The following SPOCK3 variants were observed in gnomAD, a reference collection of about 807,000 sequenced individuals.
SPOCK3 encodes the protein testican-3.
SPOCK3 carries 30 observed loss-of-function variants against 56.6 expected under a neutral mutation model. That is an observed-to-expected ratio of 0.53 (90% CI 0.40 to 0.72). SPOCK3 has a LOEUF of 0.72. Among genes scored for constraint, SPOCK3 ranks in the 30% least tolerant of loss-of-function variants. SPOCK3 has a pLI of 0.00. For missense variants in SPOCK3, 527 were observed against 530.0 expected (o/e 0.99, Z 0.06); for synonymous variants, 196 against 183.3 (o/e 1.07, Z -0.56).
At chr4:167,027,641 T>A (rs1268501610) in intron 3 of SPOCK3, among the ~76,000 whole-genome samples, 1 of 152,078 alleles carries the variant, frequency 6.6e-6, no homozygotes, top group Non-Finnish European at 1.5e-5. Context: ...AACAGTCCAT[T>A]ACACATGTTT....
intron 2 of SPOCK3, among the ~76,000 whole-genome samples, chr4:167,081,369 C>A (rs1275450696): frequency 1.3e-5 from 2 of 151,884 alleles, no homozygotes; most frequent in African/African-American, 2.4e-5. Context: ...TTGATGTCTT[C>A]TTTTTTTACT....
At chr4:167,092,743 GCTGT>G (rs1175585707) in intron 2 of SPOCK3, among the ~76,000 whole-genome samples, 1 of 152,084 alleles carries the variant, frequency 6.6e-6, no homozygotes, top group Non-Finnish European at 1.5e-5. Flanking sequence ...ATGCTGAGAA[GCTGT>G]AAAATGTCCA....
intron 2 of SPOCK3, among the ~76,000 whole-genome samples, chr4:167,063,722 T>C (rs1407529052): frequency 6.6e-6 from 1 of 151,862 alleles, no homozygotes; most frequent in Non-Finnish European, 1.5e-5. Flanking sequence ...TCATACTCTA[T>C]GTCAATGTGT....
chr4:166,875,080 AGATAT>A (rs1341579093), intron 6 of SPOCK3, among the ~76,000 whole-genome samples: 3 of 146,472 alleles, frequency 2.0e-5, no homozygotes, highest in Non-Finnish European at 4.4e-5. Flanking sequence ...AAGGACATAT[AGATAT>A]ATTTGTCATA....
chr4:166,852,781 G>A lies in SPOCK3; in HGVS notation c.589+36349C>T, dbSNP rs372659296. ...TCTTTAGATGACAGAAGTTAGCAGAGGTTTTAAAGGAAAGAGGTATATACA... is the reference window on the plus strand; with the variant it reads ...TCTTTAGATGACAGAAGTTAGCAGAAGTTTTAAAGGAAAGAGGTATATACA... On this transcript the variant is annotated intron_variant, in intron 6 of 10. Coordinates refer to ENST00000357545, the MANE Select transcript of SPOCK3 (RefSeq NM_001040159.2). Among the ~76,000 whole-genome samples, 21 of 152,122 alleles carry A rather than the reference G, an allele frequency of 1.4e-4. No individual in the cohort carries two copies. In the East Asian group the frequency reaches 1.5e-3, roughly 11 times the overall value.
intron 6 of SPOCK3, among the ~76,000 whole-genome samples, chr4:166,835,114 G>C (rs893092168): frequency 6.6e-6 from 1 of 151,828 alleles, no homozygotes; most frequent in African/African-American, 2.4e-5. Flanking sequence ...TAATAGTAAC[G>C]ATGTCTTACA....
intron 2 of SPOCK3, among the ~76,000 whole-genome samples, chr4:167,159,993 C>T (rs1238324114): frequency 2.0e-5 from 3 of 152,228 alleles, no homozygotes; most frequent in Non-Finnish European, 2.9e-5. Context: ...GACAGGGATG[C>T]CCTCTCTCAC....
chr4:166,751,577 A>C (rs1293942134), intron 8 of SPOCK3, among the ~76,000 whole-genome samples: 1 of 152,140 alleles, frequency 6.6e-6, no homozygotes, highest in Non-Finnish European at 1.5e-5. Context: ...ATATGAATAA[A>C]CTTCAGTCCT....
At chr4:167,214,892 T>G (rs1287299994) in intron 2 of SPOCK3, among the ~76,000 whole-genome samples, 11 of 151,962 alleles carry the variant, frequency 7.2e-5, no homozygotes, top group African/African-American at 2.7e-4. Context: ...GTTGACATTT[T>G]CATAGATCAG....
At chr4:167,053,397 G>C (rs969491752) in intron 3 of SPOCK3, among the ~76,000 whole-genome samples, 1 of 151,940 alleles carries the variant, frequency 6.6e-6, no homozygotes, top group Non-Finnish European at 1.5e-5. Flanking sequence ...TGAATTATCT[G>C]CAATCTTGGC....
chr4:166,831,246 T>C (rs1394786480), intron 6 of SPOCK3, among the ~76,000 whole-genome samples: 4 of 152,214 alleles, frequency 2.6e-5, no homozygotes, highest in Admixed American at 6.5e-5. Context: ...GTAGCTTTCA[T>C]TTAACATAGT....
intron 3 of SPOCK3, among the ~76,000 whole-genome samples, chr4:167,018,850 C>A (rs1352105008): frequency 6.6e-6 from 1 of 152,008 alleles, no homozygotes; most frequent in Non-Finnish European, 1.5e-5. Context: ...AAGATACTTT[C>A]TTTCTCAGTG....
intron 3 of SPOCK3, among the ~76,000 whole-genome samples, chr4:167,034,459 A>G (rs1294565658): frequency 6.6e-6 from 1 of 152,072 alleles, no homozygotes; most frequent in Admixed American, 6.5e-5. Context: ...AAAGATAGAG[A>G]TAAGATTTAA....
At chr4:167,169,657 T>C (rs1043595243) in intron 2 of SPOCK3, among the ~76,000 whole-genome samples, 1 of 152,122 alleles carries the variant, frequency 6.6e-6, no homozygotes. Flanking sequence ...TGAAATTAGT[T>C]TAGAATTTAG....
intron 2 of SPOCK3, among the ~76,000 whole-genome samples, chr4:167,087,703 T>C (rs986345704): frequency 6.6e-6 from 1 of 152,182 alleles, no homozygotes; most frequent in Admixed American, 6.6e-5. Context: ...AGTTATCACA[T>C]ATAAAGTAAA....
chr4:166,968,946 G>A (rs1454215451), intron 4 of SPOCK3, among the ~76,000 whole-genome samples: 2 of 152,144 alleles, frequency 1.3e-5, no homozygotes, highest in African/African-American at 4.8e-5. Flanking sequence ...AGCTGCCCAA[G>A]GTCATGACAG....
At chr4:166,764,572 T>C (rs1462055021) in intron 7 of SPOCK3, among the ~76,000 whole-genome samples, 1 of 152,184 alleles carries the variant, frequency 6.6e-6, no homozygotes, top group Non-Finnish European at 1.5e-5. Context: ...TGCCACATTT[T>C]CTTAATCCAG....
chr4:167,062,061 C>T (rs578159917), intron 3 of SPOCK3, among the ~76,000 whole-genome samples: 28 of 151,766 alleles, frequency 1.8e-4, no homozygotes, highest in Non-Finnish European at 3.5e-4. Context: ...GTTAAGACCC[C>T]AGCTGAGTCT....
intron 2 of SPOCK3, among the ~76,000 whole-genome samples, chr4:167,161,122 G>T (rs1017659706): frequency 6.6e-6 from 1 of 151,948 alleles, no homozygotes; most frequent in Non-Finnish European, 1.5e-5. Flanking sequence ...CAGAATGGGA[G>T]ATAATTTTTG....
Sources: allele counts gnomAD v4.1 joint callset (sites outside exome capture counted in the v4.1 genomes callset), GRCh38; gene constraint gnomAD v4.1.1; transcripts MANE v1.5; gene names NCBI Gene and HGNC (gene_info 2026-07-23, HGNC 2026-07-21).